The following LMX1A variants were observed in gnomAD, a reference collection of about 807,000 sequenced individuals.
LMX1A encodes the protein LIM homeobox transcription factor 1-alpha.
Under a neutral mutation model 49.1 loss-of-function variants are expected in LMX1A, and 15 were observed. The ratio of observed to expected loss-of-function variants is 0.31; its 90% CI spans 0.20 to 0.47. LMX1A has a LOEUF of 0.47. LMX1A is among the 20% of genes least tolerant of loss of function. LMX1A has a pLI of 1.00. For synonymous variants in LMX1A, 167 were observed against 185.7 expected (o/e 0.90, Z 0.82); for missense variants, 372 against 475.8 (o/e 0.78, Z 2.03).
At chr1:165,324,512 G>A (rs1211582485) in intron 3 of LMX1A, among the ~76,000 whole-genome samples, 2 of 152,172 alleles carry the variant, frequency 1.3e-5, no homozygotes, top group Non-Finnish European at 2.9e-5. Context: ...TTGTGTCAAT[G>A]TTGACAGACC....
At chr1:165,238,173 T>C (rs1233757242) in intron 4 of LMX1A, among the ~76,000 whole-genome samples, 7 of 152,218 alleles carry the variant, frequency 4.6e-5, no homozygotes, top group Admixed American at 1.3e-4. Context: ...AGTACAATTG[T>C]AAAAGATGGT....
In LMX1A at chr1:165,253,202, T is replaced by A. The variant is rs139037111; in HGVS notation, c.264-3562A>T. Reference sequence around the variant, plus strand: ...GTAAACAAACACATAAACGAATAGATAAATCATATCTACATTTAGGGATTT... The same window carrying A: ...GTAAACAAACACATAAACGAATAGAAAAATCATATCTACATTTAGGGATTT... On this transcript the variant is annotated intron_variant, in intron 3 of 8. Transcript: ENST00000342310. Among the ~76,000 whole-genome samples, 7 of 152,254 alleles carry A rather than the reference T, an allele frequency of 4.6e-5. No individual in the cohort carries two copies. In the East Asian group the frequency reaches 1.4e-3, roughly 29 times the overall value.
intron 3 of LMX1A, among the ~76,000 whole-genome samples, chr1:165,338,186 T>G (rs1655961206): frequency 6.6e-6 from 1 of 152,200 alleles, no homozygotes; most frequent in Admixed American, 6.5e-5. Context: ...AAGTCAGGAA[T>G]ATGAGCTCCC....
chr1:165,271,019 A>G (rs1200026303), intron 3 of LMX1A, among the ~76,000 whole-genome samples: 1 of 152,136 alleles, frequency 6.6e-6, no homozygotes, highest in Non-Finnish European at 1.5e-5. Flanking sequence ...CTAGCCTGCA[A>G]AGAGAACCCT....
At chr1:165,343,798 T>C (rs947825804) in intron 3 of LMX1A, among the ~76,000 whole-genome samples, 1 of 152,192 alleles carries the variant, frequency 6.6e-6, no homozygotes, top group African/African-American at 2.4e-5. Flanking sequence ...TCCTACAAAG[T>C]GTTATTTGCA....
intron 3 of LMX1A, among the ~76,000 whole-genome samples, chr1:165,318,999 T>TCTCACACACA (rs1444303214): frequency 8.5e-6 from 1 of 117,754 alleles, no homozygotes; most frequent in African/African-American, 3.5e-5. Flanking sequence ...TCTCTCTCTC[T>TCTCACACACA]CACACACACA....
At chr1:165,331,534 T>C (rs896436817) in intron 3 of LMX1A, among the ~76,000 whole-genome samples, 1 of 152,122 alleles carries the variant, frequency 6.6e-6, no homozygotes, top group African/African-American at 2.4e-5. Flanking sequence ...GAAGTAAAAA[T>C]TTCACCAGAA....
intron 4 of LMX1A, among the ~76,000 whole-genome samples, chr1:165,247,893 GC>G (rs1022738236): frequency 6.6e-6 from 1 of 152,178 alleles, no homozygotes; most frequent in African/African-American, 2.4e-5. Flanking sequence ...TGTCTCCAAA[GC>G]TTTTGCACTT....
At chr1:165,266,419 A>C (rs548908594) in intron 3 of LMX1A, among the ~76,000 whole-genome samples, 55 of 152,240 alleles carry the variant, frequency 3.6e-4, no homozygotes, top group African/African-American at 1.3e-3. Flanking sequence ...AAGATGGGGC[A>C]AAAGAAAGAG....
chr1:165,330,127 G>A (rs1277356144), intron 3 of LMX1A, among the ~76,000 whole-genome samples: 1 of 152,176 alleles, frequency 6.6e-6, no homozygotes, highest in Non-Finnish European at 1.5e-5. Context: ...TCTTTTTACA[G>A]ATAAAGAAAC....
chr1:165,332,856 G>C (rs1327665330), intron 3 of LMX1A, among the ~76,000 whole-genome samples: 1 of 152,142 alleles, frequency 6.6e-6, no homozygotes, highest in Non-Finnish European at 1.5e-5. Context: ...GGAAAGGGTT[G>C]GCATAACCTT....
intron 3 of LMX1A, among the ~76,000 whole-genome samples, chr1:165,250,216 C>T (rs1653007611): frequency 6.6e-6 from 1 of 152,060 alleles, no homozygotes; most frequent in Non-Finnish European, 1.5e-5. Context: ...ACATCCTGCA[C>T]ATGTACCCCA....
intron 3 of LMX1A, among the ~76,000 whole-genome samples, chr1:165,348,353 A>C (rs1376872796): frequency 1.3e-5 from 2 of 152,264 alleles, no homozygotes; most frequent in Non-Finnish European, 1.5e-5. Context: ...TTACCCAGGG[A>C]CCAATACATA....
Position 165,234,664 on chromosome 1 carries a change from C to T in LMX1A, c.496+14744G>A, listed in dbSNP as rs531126502. ...AGAGAGTAAGGAATAAACAAACAGCCATGGACTTAGTGAGACTAATTCTCT... is the reference window on the plus strand; with the variant it reads ...AGAGAGTAAGGAATAAACAAACAGCTATGGACTTAGTGAGACTAATTCTCT... On this transcript the variant is annotated intron_variant, in intron 4 of 8. Coordinates refer to ENST00000342310, the MANE Select transcript of LMX1A (RefSeq NM_177398.4). Among the ~76,000 whole-genome samples, 134 of 152,276 alleles carry T rather than the reference C, an allele frequency of 8.8e-4. 1 individual carries two copies. The highest frequency in any genetic ancestry group is 8.6e-3 in the Admixed American group (131 of 15,294).
intron 3 of LMX1A, among the ~76,000 whole-genome samples, chr1:165,263,694 C>T (rs967138559): frequency 6.6e-6 from 1 of 152,248 alleles, no homozygotes; most frequent in African/African-American, 2.4e-5. Context: ...TCATGCCCCT[C>T]ATCTGTGATT....
rs546524844 is a variant in LMX1A at position 165,277,798 on chromosome 1, G to A, written c.264-28158C>T. Among the ~76,000 whole-genome samples, 199 of 152,104 alleles carry A rather than the reference G, an allele frequency of 1.3e-3. 5 individuals carry two copies. The highest frequency in any genetic ancestry group is 2.5e-3 in the Non-Finnish European group (170 of 67,990). ...AAGGTGGGGATCTGATGTCATTTGG[G>A]GCAAAAAGAATCAAGCTTCTTTCAT... On this transcript the variant is annotated intron_variant, in intron 3 of 8. Transcript: ENST00000342310.
intron 3 of LMX1A, among the ~76,000 whole-genome samples, chr1:165,302,971 C>T (rs1654820556): frequency 1.3e-5 from 2 of 152,208 alleles, no homozygotes; most frequent in Non-Finnish European, 2.9e-5. Flanking sequence ...TTGCTCCACA[C>T]TACTCCCTTC....
chr1:165,324,484 C>T (rs916205458), intron 3 of LMX1A, among the ~76,000 whole-genome samples: 3 of 152,138 alleles, frequency 2.0e-5, no homozygotes, highest in South Asian at 2.1e-4. Context: ...TTGAATACAT[C>T]GAGACCCAGA....
rs576130822 is a variant in LMX1A, at chr1:165,326,825, TC to T, written c.263+26250del. On this transcript the variant is annotated intron_variant, in intron 3 of 8. Coordinates refer to ENST00000342310, the MANE Select transcript of LMX1A (RefSeq NM_177398.4). Reference sequence around the variant, plus strand: ...CCTGTGATCCCCAACTAGGAGAGATTCTAGATGTCTAGAGATATACTTGATT... The same window carrying T: ...CCTGTGATCCCCAACTAGGAGAGATTTAGATGTCTAGAGATATACTTGATT... Among the ~76,000 whole-genome samples, 3 of 152,278 alleles carry T rather than the reference TC, an allele frequency of 2.0e-5. No individual in the cohort carries two copies. In the East Asian group the frequency reaches 5.8e-4, roughly 29 times the overall value.
Sources: allele counts gnomAD v4.1 joint callset (sites outside exome capture counted in the v4.1 genomes callset), GRCh38; gene constraint gnomAD v4.1.1; transcripts MANE v1.5; gene names NCBI Gene and HGNC (gene_info 2026-07-23, HGNC 2026-07-21).